Variants in SRGAP2 observed in about 807,000 individuals in gnomAD.
SRGAP2 encodes SLIT-ROBO Rho GTPase-activating protein 2.
Under a neutral mutation model 57.2 loss-of-function variants are expected in SRGAP2, and 15 were observed. That is an observed-to-expected ratio of 0.26 (90% CI 0.18 to 0.40). The LOEUF is 0.40. SRGAP2 is among the 10% of genes least tolerant of loss of function. The pLI is 1.00. For missense variants in SRGAP2, 520 were observed against 669.6 expected, an observed-to-expected ratio of 0.78 and a Z score of 2.47; for synonymous variants, 249 against 248.0, an observed-to-expected ratio of 1.00 and a Z score of -0.04.
At chr1:206,266,313 G>A (rs1669844895) in intron 2 of SRGAP2, among the ~76,000 whole-genome samples, 1 of 150,964 alleles carries the variant, frequency 6.6e-6, no homozygotes, top group South Asian at 2.1e-4. Flanking sequence ...GTGCGATCTC[G>A]GCTCACTGCA....
rs1661902029 is a variant in SRGAP2, at chr1:206,437,792, C to T, written c.1634-172C>T. ...TGGTCCTGGAGCCCCTGAAATGGAG[C>T]AGTCTTTGCTTTATCTGTTCCCTGG... On this transcript the variant is annotated intron_variant, in intron 15 of 22. Transcript: ENST00000573034. 9.9e-6 allele frequency: 6 copies of T among 603,124 alleles called. No homozygotes were observed. In the South Asian group the frequency reaches 1.2e-4, roughly 12 times the overall value. 37.4% of individuals were successfully genotyped at this position (603,124 alleles called of 1,614,324 possible). A position where few individuals can be genotyped will look rare whatever the true frequency, so the allele number is the denominator to read the frequency against.
At chr1:206,373,022 T>TTCC (rs1654833084) in intron 4 of SRGAP2, among the ~76,000 whole-genome samples, 1 of 123,292 alleles carries the variant, frequency 8.1e-6, no homozygotes, top group Non-Finnish European at 1.7e-5. Context: ...TCTTTCTTTC[T>TTCC]TTCTTTTCTT....
At chr1:206,456,739 G>A (rs1285745263) in intron 21 of SRGAP2, among the ~76,000 whole-genome samples, 6 of 152,116 alleles carry the variant, frequency 3.9e-5, no homozygotes, top group African/African-American at 1.4e-4. Context: ...GTGGGTGAGC[G>A]GTGGCCCCGG....
At position 206,454,538 on chromosome 1, in the gene SRGAP2, G is replaced by A. The variant is rs931396692; in HGVS notation, c.2361-340G>A. On this transcript the variant is annotated intron_variant, in intron 20 of 22. Coordinates refer to ENST00000573034, the MANE Select transcript of SRGAP2 (RefSeq NM_015326.5). This position sits in a 1 kb window ranked among gnomAD's most constrained non-coding sequence, Gnocchi z 4.3. ...CGATAAACCACAACCTGGACTTGCCGCCTCCTTCTCCAGGAGGCCGCCCCA... is the reference window on the plus strand; with the variant it reads ...CGATAAACCACAACCTGGACTTGCCACCTCCTTCTCCAGGAGGCCGCCCCA... 38 of 405,588 alleles carry A rather than the reference G, an allele frequency of 9.4e-5. No individual in the cohort carries two copies. Among genetic ancestry groups the A allele is most frequent in the Admixed American group, 2.5e-4 (6 of 24,040 alleles). 25.1% of individuals were successfully genotyped at this position (405,588 alleles called of 1,614,324 possible).
chr1:206,452,351 A>G (rs963893), intron 19 of SRGAP2, among the ~76,000 whole-genome samples: 86,666 of 151,904 alleles, frequency 0.57, 25,664 homozygotes, highest in East Asian at 0.74. Flanking sequence ...AAGTTGATTG[A>G]GCAAGTTATT....
chr1:206,420,776 T>A (rs1038027297), intron 12 of SRGAP2, among the ~76,000 whole-genome samples: 1 of 152,224 alleles, frequency 6.6e-6, no homozygotes, highest in Non-Finnish European at 1.5e-5. Flanking sequence ...CCAAACTAGA[T>A]GTTCTACACT....
chr1:206,231,782 C>T (rs372964221), intron 2 of SRGAP2, among the ~76,000 whole-genome samples: 1 of 151,688 alleles, frequency 6.6e-6, no homozygotes, highest in South Asian at 2.1e-4. Context: ...GAGCAATCCA[C>T]CTGCCTCTGC....
chr1:206,312,693 A>G (rs1166470953), intron 3 of SRGAP2, among the ~76,000 whole-genome samples: 7 of 152,206 alleles, frequency 4.6e-5, no homozygotes, highest in Non-Finnish European at 8.8e-5. Context: ...GACAGGTAAC[A>G]TGGCTTCCCC....
intron 10 of SRGAP2, chr1:206,407,890 CATATTT>C (rs1239513501): frequency 6.7e-6 from 1 of 149,288 alleles, no homozygotes; most frequent in Non-Finnish European, 1.5e-5. Context: ...ATTCTTTAAG[CATATTT>C]ATGAGTAAAA....
intron 2 of SRGAP2, among the ~76,000 whole-genome samples, chr1:206,283,209 G>A (rs1175332201): frequency 3.3e-5 from 5 of 151,602 alleles, no homozygotes; most frequent in Admixed American, 6.6e-5. Context: ...CTACAGCATC[G>A]TCTTTTTCCC....
At chr1:206,327,715 G>T (rs1429351581) in intron 3 of SRGAP2, among the ~76,000 whole-genome samples, 24 of 109,220 alleles carry the variant, frequency 2.2e-4, no homozygotes, top group Non-Finnish European at 4.0e-4. Flanking sequence ...ATTCATTTTT[G>T]TTTAAGACAT....
chr1:206,427,082 T>G (rs1372902308), intron 13 of SRGAP2, among the ~76,000 whole-genome samples: 1 of 152,176 alleles, frequency 6.6e-6, no homozygotes, highest in East Asian at 1.9e-4. Context: ...GTTTTTTTTT[T>G]AGTCATTTCA....
chr1:206,309,180 A>G (rs1672440785), intron 3 of SRGAP2, among the ~76,000 whole-genome samples: 1 of 150,718 alleles, frequency 6.6e-6, no homozygotes. Flanking sequence ...AAAAAAAAAA[A>G]AAAAATCCCT....
intron 2 of SRGAP2, among the ~76,000 whole-genome samples, chr1:206,270,651 C>T (rs1369762285): frequency 6.9e-6 from 1 of 144,538 alleles, no homozygotes; most frequent in Non-Finnish European, 1.5e-5. Context: ...TGCTATGCAG[C>T]TGGTAGAAAG....
chr1:206,332,756 G>A (rs1449533328), intron 3 of SRGAP2, among the ~76,000 whole-genome samples: 1 of 151,910 alleles, frequency 6.6e-6, no homozygotes, highest in Non-Finnish European at 1.5e-5. Flanking sequence ...TGGTTTGAAT[G>A]TGCTCCTGTA....
intron 4 of SRGAP2, among the ~76,000 whole-genome samples, chr1:206,346,462 G>T (rs1221205600): frequency 3.3e-5 from 5 of 152,346 alleles, no homozygotes; most frequent in African/African-American, 1.2e-4. Context: ...GTGGATATAG[G>T]TGTGGAGAGG....
chr1:206,453,956 C>G (rs1343479749), intron 20 of SRGAP2: 1 of 573,130 alleles, frequency 1.7e-6, no homozygotes, highest in Non-Finnish European at 3.1e-6. Flanking sequence ...CAAAGGAAAC[C>G]TGAACTGGTC....
chr1:206,431,615 A>T (rs1351818462), intron 14 of SRGAP2, among the ~76,000 whole-genome samples: 2 of 152,260 alleles, frequency 1.3e-5, no homozygotes, highest in Non-Finnish European at 2.9e-5. Context: ...TTAGTTGCTT[A>T]TTATATCCCA....
At chr1:206,205,114 G>C (rs1333273186) in intron 1 of SRGAP2, 2 of 152,088 alleles carry the variant, frequency 1.3e-5, no homozygotes, top group Non-Finnish European at 2.9e-5. Context: ...CCTCGGGCTG[G>C]CCGCTGCCCA....
Sources: allele counts gnomAD v4.1 joint callset (sites outside exome capture counted in the v4.1 genomes callset), GRCh38; gene constraint gnomAD v4.1.1; non-coding constraint Gnocchi (gnomAD v3.1); transcripts MANE v1.5; gene names NCBI Gene and HGNC (gene_info 2026-07-23, HGNC 2026-07-21).